Variants in CORO2A observed in about 807,000 individuals in gnomAD.
The protein encoded by CORO2A is coronin-2A.
In CORO2A, 47 loss-of-function variants were observed where a neutral mutation model predicts 62.4. That is an observed-to-expected ratio of 0.75 (90% CI 0.60 to 0.96). CORO2A has a LOEUF of 0.96. CORO2A is among the 40% of genes least tolerant of loss of function. CORO2A has a pLI of 0.00. For synonymous variants in CORO2A, 273 were observed against 268.9 expected (o/e 1.02, Z -0.15); for missense variants, 610 against 684.1 (o/e 0.89, Z 1.21).
intron 2 of CORO2A, among the ~76,000 whole-genome samples, chr9:98,156,459 T>A (rs1176781851): frequency 9.9e-5 from 15 of 152,232 alleles, no homozygotes; most frequent in Non-Finnish European, 2.9e-5. Flanking sequence ...GTAAGTTTTG[T>A]GATATATTTC....
intron 1 of CORO2A, among the ~76,000 whole-genome samples, chr9:98,180,415 CTCACA>C (rs1184016144): frequency 6.6e-6 from 1 of 152,090 alleles, no homozygotes; most frequent in African/African-American, 2.4e-5. Flanking sequence ...CATGGCTCCC[CTCACA>C]TCACGTTTTC....
chr9:98,160,728 G>A (rs1159193486), intron 1 of CORO2A, among the ~76,000 whole-genome samples: 3 of 152,136 alleles, frequency 2.0e-5, no homozygotes, highest in African/African-American at 4.8e-5. Flanking sequence ...GGGGTGGCGG[G>A]AGTGCACCTG....
At chr9:98,147,645 C>T (rs1827659587) in intron 2 of CORO2A, among the ~76,000 whole-genome samples, 1 of 152,152 alleles carries the variant, frequency 6.6e-6, no homozygotes, top group African/African-American at 2.4e-5. Context: ...TGCAGATAAA[C>T]AACAAATATT....
In CORO2A at chr9:98,133,297, G is replaced by C. The variant is rs1587993020; in HGVS notation, c.469-80C>G. 6.5e-6 allele frequency: 9 copies of C among 1,386,112 alleles called. No homozygotes were observed. The East Asian group carries it at 1.8e-4, about 28-fold the overall frequency. The allele number at this position is 1,386,112 out of a possible 1,614,324, so 85.9% of individuals were successfully genotyped here. On this transcript the variant is annotated intron_variant, in intron 4 of 11. Transcript: ENST00000375077. ...ATAGTTACATGCTGGCCAGGATGCA[G>C]TGAAACACAGTATCCCTGGGAGGGT...
At chr9:98,174,193 AAACGGTAGC>A (rs1188897460) in intron 1 of CORO2A, among the ~76,000 whole-genome samples, 1 of 151,728 alleles carries the variant, frequency 6.6e-6, no homozygotes, top group Non-Finnish European at 1.5e-5. Flanking sequence ...AGTTCTCAAT[AAACGGTAGC>A]AACCAGTGGG....
chr9:98,171,319 T>G (rs780328226), intron 1 of CORO2A, among the ~76,000 whole-genome samples: 16 of 152,196 alleles, frequency 1.1e-4, no homozygotes, highest in Non-Finnish European at 1.9e-4. Flanking sequence ...CCAGGGGTCC[T>G]GCATTCTGTT....
At position 98,124,687 on chromosome 9, in the gene CORO2A, G is replaced by T; in HGVS notation, c.*87C>A. 4.7e-6 allele frequency: 6 copies of T among 1,269,702 alleles called. No homozygotes were observed. The highest frequency in any genetic ancestry group is 6.2e-6 in the Non-Finnish European group (6 of 961,348). 78.7% of individuals were successfully genotyped at this position (1,269,702 alleles called of 1,614,324 possible). ...GGTAAAAAATATAGAAATAGTGGTT[G>T]TCCTTGAGGGGACTTGTGGTTTGGT... On this transcript the variant is annotated 3_prime_UTR_variant, in exon 12 of 12. Coordinates refer to ENST00000375077, the MANE Select transcript of CORO2A (RefSeq NM_052820.4).
At chr9:98,171,258 C>A (rs1462057703) in intron 1 of CORO2A, among the ~76,000 whole-genome samples, 1 of 152,196 alleles carries the variant, frequency 6.6e-6, no homozygotes, top group Non-Finnish European at 1.5e-5. Context: ...CCACAGTCAG[C>A]CCGAGGCAGG....
intron 2 of CORO2A, among the ~76,000 whole-genome samples, chr9:98,147,284 T>C (rs1260027772): frequency 6.6e-6 from 1 of 152,002 alleles, no homozygotes; most frequent in Admixed American, 6.6e-5. Flanking sequence ...GCATTATGGT[T>C]ATGTCAGAAA....
At position 98,130,933 on chromosome 9, in the gene CORO2A, C is replaced by T. The variant is rs532651644; in HGVS notation, c.870+22G>A. The T allele has an allele frequency of 2.5e-6, 4 of 1,594,532 alleles. No homozygotes were observed. In the East Asian group the frequency reaches 9.0e-5, roughly 36 times the overall value. On this transcript the variant is annotated intron_variant, in intron 7 of 11. Transcript: ENST00000375077. ...CTGTCTCAGGGGTCCAGGAGGTCAC[C>T]TCCCTCCCGTGCCAAGCCGACCTTC...
intron 9 of CORO2A, 77 bp from the exon 10 acceptor site, chr9:98,128,337 TC>T: frequency 8.5e-7 from 1 of 1,180,390 alleles, no homozygotes; most frequent in Non-Finnish European, 1.2e-6. Flanking sequence ...GACCTGGGAG[TC>T]CAGGCTCTCA....
At chr9:98,143,372 C>T (rs1827600344) in intron 2 of CORO2A, among the ~76,000 whole-genome samples, 1 of 152,228 alleles carries the variant, frequency 6.6e-6, no homozygotes, top group African/African-American at 2.4e-5. Context: ...GCATCATAGT[C>T]ATGGCCTCAA....
intron 1 of CORO2A, among the ~76,000 whole-genome samples, chr9:98,190,655 G>A (rs1171281817): frequency 6.6e-6 from 1 of 152,142 alleles, no homozygotes; most frequent in Non-Finnish European, 1.5e-5. Flanking sequence ...CATTTAAAAA[G>A]TATTAGCAAT....
chr9:98,148,966 G>A (rs1284220476), intron 2 of CORO2A, among the ~76,000 whole-genome samples: 1 of 152,170 alleles, frequency 6.6e-6, no homozygotes, highest in African/African-American at 2.4e-5. Flanking sequence ...TGGAGAGCAG[G>A]TTAATTGTCA....
intron 1 of CORO2A, among the ~76,000 whole-genome samples, chr9:98,162,108 G>A (rs767071198): frequency 1.6e-4 from 24 of 152,166 alleles, no homozygotes; most frequent in Non-Finnish European, 3.1e-4. Flanking sequence ...TTGCTCCCCC[G>A]TTCAGATGTA....
intron 1 of CORO2A, among the ~76,000 whole-genome samples, chr9:98,188,938 T>C (rs1354149576): frequency 6.6e-6 from 1 of 152,112 alleles, no homozygotes; most frequent in Non-Finnish European, 1.5e-5. Flanking sequence ...CCTCAATGAA[T>C]GTTAGCTATT....
chr9:98,162,092 G>A (rs1827894234), intron 1 of CORO2A, among the ~76,000 whole-genome samples: 1 of 152,230 alleles, frequency 6.6e-6, no homozygotes. Context: ...GCAAGTGGGT[G>A]CTACCTTGCT....
At chr9:98,174,611 C>T (rs149541604) in intron 1 of CORO2A, among the ~76,000 whole-genome samples, 350 of 152,156 alleles carry the variant, frequency 2.3e-3, no homozygotes, top group Non-Finnish European at 4.2e-3. Context: ...ATCATGGAGG[C>T]GGTTTCCCCC....
At chr9:98,126,851 AC>A in intron 10 of CORO2A, 28 bp from the exon 11 acceptor site, 1 of 1,613,680 alleles carries the variant, frequency 6.2e-7, no homozygotes, top group Non-Finnish European at 8.5e-7. Context: ...CCATGTGAGG[AC>A]GGGGTGCCCA....
Sources: allele counts gnomAD v4.1 joint callset (sites outside exome capture counted in the v4.1 genomes callset), GRCh38; gene constraint gnomAD v4.1.1; transcripts MANE v1.5; gene names NCBI Gene and HGNC (gene_info 2026-07-23, HGNC 2026-07-21).